Variants in CSMD2 observed in about 807,000 individuals in gnomAD.
CSMD2 encodes the protein CUB and sushi domain-containing protein 2.
Under a neutral mutation model 398.5 loss-of-function variants are expected in CSMD2, and 130 were observed. The ratio of observed to expected loss-of-function variants is 0.33; its 90% CI spans 0.28 to 0.38. CSMD2 has a LOEUF of 0.38. Among genes scored for constraint, CSMD2 ranks in the 10% least tolerant of loss-of-function variants. The pLI is 1.00. For synonymous variants in CSMD2, 1,828 were observed against 1,908.5 expected, an observed-to-expected ratio of 0.96 and a Z score of 1.10; for missense variants, 3,829 against 4,764.9, an observed-to-expected ratio of 0.80 and a Z score of 5.78.
chr1:34,009,175 G>T (rs1203962943), intron 3 of CSMD2, among the ~76,000 whole-genome samples: 1 of 151,994 alleles, frequency 6.6e-6, no homozygotes, highest in African/African-American at 2.4e-5. Context: ...AAGCTCCATT[G>T]GTTTTTAAAC....
chr1:34,016,401 G>A (rs76079687), intron 3 of CSMD2, among the ~76,000 whole-genome samples: 15 of 152,104 alleles, frequency 9.9e-5, no homozygotes, highest in African/African-American at 2.2e-4. Context: ...GAGAACATGC[G>A]GTGTTGGTTT....
At chr1:33,877,874 C>T (rs1468182428) in intron 5 of CSMD2, among the ~76,000 whole-genome samples, 1 of 152,092 alleles carries the variant, frequency 6.6e-6, no homozygotes, top group Non-Finnish European at 1.5e-5. Flanking sequence ...GGGGCTCCTG[C>T]AGCTATACTG....
intron 15 of CSMD2, among the ~76,000 whole-genome samples, chr1:33,732,833 A>G (rs1187421206): frequency 6.6e-6 from 1 of 152,212 alleles, no homozygotes; most frequent in African/African-American, 2.4e-5. Flanking sequence ...TTGAGCACTG[A>G]GCTCTACAAC....
Position 33,716,344 on chromosome 1 carries a change from C to A in CSMD2, c.3159G>T (p.Gln1053His). The stretch of plus-strand genomic sequence containing the variant: ...TGGAGAAATCAGAGATGAAGCGGAC[C>A]TGGGCAGTGAAGTTGCCATAGAGCC... ...SAGLYGNFTAQVRFISDFSMS... is the reference protein window; with the variant it reads ...SAGLYGNFTAHVRFISDFSMS... Residue 1053 changes from glutamine (Q) to histidine (H), a missense_variant, in exon 20 of 71, where the codon CAG becomes CAT. Gln to His is a conservative substitution (Grantham distance 24). Coordinates refer to ENST00000373381, the MANE Select transcript of CSMD2 (RefSeq NM_001281956.2). 1 of 1,614,152 alleles carries A rather than the reference C, an allele frequency of 6.2e-7. No homozygotes were observed. Among genetic ancestry groups the A allele is most frequent in the South Asian group, 1.1e-5 (1 of 91,076 alleles).
At position 33,726,688 on chromosome 1, in the gene CSMD2, G is replaced by A. The variant is rs752576977; in HGVS notation, c.2369-3C>T. ...AGTCAGGTGACCACCACAGGGAGCT[G>A]GGGGGACAGAAGGAAGAGAGGCAGC... is the stretch of plus-strand genomic sequence containing the variant. On this transcript the variant is annotated splice_region_variant and splice_polypyrimidine_tract_variant and intron_variant, in intron 15 of 70. Transcript: ENST00000373381. 16 of 1,606,808 alleles carry A rather than the reference G, an allele frequency of 1.0e-5. No homozygotes were observed. Among genetic ancestry groups the A allele is most frequent in the Non-Finnish European group, 1.4e-5 (16 of 1,178,152 alleles).
intron 6 of CSMD2, among the ~76,000 whole-genome samples, chr1:33,829,106 G>A (rs911213): frequency 0.79 from 119,494 of 152,136 alleles, 47,771 homozygotes; most frequent in East Asian, 0.94. Flanking sequence ...GAATCCACAG[G>A]TAGAGTCTTT....
At chr1:34,021,887 G>A (rs962301393) in intron 3 of CSMD2, among the ~76,000 whole-genome samples, 1 of 152,170 alleles carries the variant, frequency 6.6e-6, no homozygotes, top group African/African-American at 2.4e-5. Flanking sequence ...ATCGGTTCTA[G>A]GGTGCAAGCT....
At chr1:33,705,756 A>T (rs976795981) in intron 22 of CSMD2, among the ~76,000 whole-genome samples, 2 of 150,840 alleles carry the variant, frequency 1.3e-5, no homozygotes, top group Non-Finnish European at 3.0e-5. Flanking sequence ...CTCTTTTTTG[A>T]AAAAGGGTCT....
chr1:34,077,120 A>G (rs1656474198), intron 2 of CSMD2, among the ~76,000 whole-genome samples: 1 of 151,040 alleles, frequency 6.6e-6, no homozygotes, highest in Non-Finnish European at 1.5e-5. Flanking sequence ...TTTTGTTGGA[A>G]CGCATCCATA....
chr1:33,698,711 T>C, intron 24 of CSMD2, 42 bp downstream of exon 24: 12 of 1,569,702 alleles, frequency 7.6e-6, no homozygotes, highest in Admixed American at 1.8e-5. Context: ...CTTGGTATTA[T>C]GGGAGACCCA....
chr1:34,113,725 C>T (rs945481255), intron 1 of CSMD2, among the ~76,000 whole-genome samples: 1 of 152,066 alleles, frequency 6.6e-6, no homozygotes, highest in Non-Finnish European at 1.5e-5. Context: ...CCAAAAAAGC[C>T]TTTATGAGAA....
intron 37 of CSMD2, among the ~76,000 whole-genome samples, chr1:33,618,371 T>G (rs1641537880): frequency 6.6e-6 from 1 of 152,026 alleles, no homozygotes; most frequent in Non-Finnish European, 1.5e-5. Flanking sequence ...TTAAAATCTC[T>G]CCTTGAATTG....
At chr1:33,707,675 G>A (rs899847718) in intron 22 of CSMD2, among the ~76,000 whole-genome samples, 1 of 139,660 alleles carries the variant, frequency 7.2e-6, no homozygotes, top group Non-Finnish European at 1.5e-5. Flanking sequence ...AAACACGCAC[G>A]CGTGCACACG....
intron 54 of CSMD2, among the ~76,000 whole-genome samples, chr1:33,558,764 G>T (rs2148655881): frequency 6.6e-6 from 1 of 152,196 alleles, no homozygotes. Flanking sequence ...CTTCCTCTCT[G>T]TGTGTTTTCC....
In CSMD2 at chr1:33,635,477, G is replaced by A. The variant is rs1163014214; in HGVS notation, c.4970-147C>T. On this transcript the variant is annotated intron_variant, in intron 30 of 70. Coordinates refer to ENST00000373381, the MANE Select transcript of CSMD2 (RefSeq NM_001281956.2). This position sits in a 1 kb window ranked among gnomAD's most constrained non-coding sequence, Gnocchi z 5.0. ...CTAGCTTGGAGAAGGCAAGTCCTGC[G>A]GACCCTGCCCTGCCCAAGAACGTGC... The A allele has an allele frequency of 3.1e-5, 18 of 578,992 alleles. No homozygotes were observed. The highest frequency in any genetic ancestry group is 1.2e-4 in the South Asian group (6 of 50,246). 35.9% of individuals were successfully genotyped at this position (578,992 alleles called of 1,614,324 possible).
intron 25 of CSMD2, among the ~76,000 whole-genome samples, chr1:33,685,342 T>C (rs558671654): frequency 3.3e-4 from 50 of 152,356 alleles, no homozygotes; most frequent in African/African-American, 9.6e-4. Flanking sequence ...GTTTTTCTAT[T>C]TTCATTCCTA....
intron 9 of CSMD2, among the ~76,000 whole-genome samples, chr1:33,815,016 A>G (rs1432666057): frequency 1.3e-5 from 2 of 151,844 alleles, no homozygotes; most frequent in Non-Finnish European, 2.9e-5. Context: ...CTTTCCATCA[A>G]TTCTACCACT....
chr1:33,620,806 CTTTTTTTTTT>C (rs34986869), intron 37 of CSMD2, among the ~76,000 whole-genome samples: 3 of 91,946 alleles, frequency 3.3e-5, no homozygotes, highest in African/African-American at 9.0e-5. Flanking sequence ...TGTCCTGGGT[CTTTTTTTTTT>C]TTTTTTTTTT....
chr1:33,796,028 T>C (rs1157789510), intron 10 of CSMD2, among the ~76,000 whole-genome samples: 1 of 152,256 alleles, frequency 6.6e-6, no homozygotes, highest in Non-Finnish European at 1.5e-5. Context: ...GCTCTATTGA[T>C]GTAGCATGAA....
Sources: gnomAD v4.1 joint callset for allele counts (sites outside exome capture counted in the v4.1 genomes callset) on GRCh38, gnomAD v4.1.1 for gene constraint, Gnocchi (gnomAD v3.1) non-coding constraint, MANE v1.5 for transcripts, NCBI Gene and HGNC (gene_info 2026-07-23, HGNC 2026-07-21) for gene names.